The following RANBP3 variants were observed in gnomAD, a reference collection of about 807,000 sequenced individuals.
RANBP3 encodes the protein RAN binding protein 3.
RANBP3 carries 14 observed loss-of-function variants against 77.3 expected under a neutral mutation model. That is an observed-to-expected ratio of 0.18 (90% CI 0.12 to 0.28). The LOEUF (loss-of-function observed/expected upper bound fraction) is 0.28, where lower values mean the gene tolerates loss of function less well. RANBP3 is among the 10% of genes least tolerant of loss of function. The pLI is 1.00. For missense variants in RANBP3, 586 were observed against 752.3 expected, an observed-to-expected ratio of 0.78 and a Z score of 2.59; for synonymous variants, 315 against 312.4, an observed-to-expected ratio of 1.01 and a Z score of -0.09.
intron 3 of RANBP3, among the ~76,000 whole-genome samples, chr19:5,943,408 GACTGTCGGT>G (rs1208510574): frequency 2.0e-5 from 3 of 152,232 alleles, no homozygotes; most frequent in Non-Finnish European, 2.9e-5. Context: ...TAAAGGGCCA[GACTGTCGGT>G]ACTGCTGGCT....
intron 1 of RANBP3, among the ~76,000 whole-genome samples, chr19:5,964,127 GC>G (rs1379655323): frequency 2.6e-5 from 4 of 152,214 alleles, no homozygotes; most frequent in African/African-American, 9.6e-5. Context: ...AGGCTCCGAT[GC>G]AAAATGGGAC....
chr19:5,972,825 C>A (rs1176525692), intron 1 of RANBP3, among the ~76,000 whole-genome samples: 1 of 152,176 alleles, frequency 6.6e-6, no homozygotes, highest in Non-Finnish European at 1.5e-5. Context: ...TCACTCTGAC[C>A]ACCTCAGAGG....
chr19:5,958,400 A>ACCG lies in RANBP3; in HGVS notation c.23-430_23-428dup, dbSNP rs1438704895. ...AGGCCAGAGGGCAAAAAAAAGGGCC[A>ACCG]CCGCTCGCGCTGTTTGCAGACAGTT... On this transcript the variant is annotated intron_variant, in intron 1 of 16. Coordinates refer to ENST00000340578, the MANE Select transcript of RANBP3 (RefSeq NM_007322.3). This position sits in a 1 kb window ranked among gnomAD's most constrained non-coding sequence, Gnocchi z 4.4. Among the ~76,000 whole-genome samples, 2 of 152,228 alleles carry ACCG rather than the reference A, an allele frequency of 1.3e-5. No individual in the cohort carries two copies. The highest frequency in any genetic ancestry group is 2.9e-5 in the Non-Finnish European group (2 of 68,038).
chr19:5,926,910 T>A (rs10414705), intron 9 of RANBP3, among the ~76,000 whole-genome samples: 3 of 152,164 alleles, frequency 2.0e-5, no homozygotes, highest in African/African-American at 7.2e-5. Flanking sequence ...GCTTTCTGCA[T>A]GCTAGAGAGG....
At chr19:5,939,709 G>A (rs770958943) in intron 5 of RANBP3, among the ~76,000 whole-genome samples, 7 of 152,124 alleles carry the variant, frequency 4.6e-5, no homozygotes, top group East Asian at 1.9e-4. Context: ...GGGAGGAGAC[G>A]GAACAGCACG....
chr19:5,968,282 G>C (rs1428115264), intron 1 of RANBP3, among the ~76,000 whole-genome samples: 1 of 152,168 alleles, frequency 6.6e-6, no homozygotes. Flanking sequence ...TGGAGAGCGC[G>C]GGCTCTGGTC....
chr19:5,947,940 G>A (rs746365340), intron 3 of RANBP3, among the ~76,000 whole-genome samples: 1 of 152,220 alleles, frequency 6.6e-6, no homozygotes, highest in African/African-American at 2.4e-5. Flanking sequence ...TGAAAATCAT[G>A]GTTGTCACAT....
chr19:5,965,283 T>G (rs986111789), intron 1 of RANBP3, among the ~76,000 whole-genome samples: 2 of 152,092 alleles, frequency 1.3e-5, no homozygotes, highest in Non-Finnish European at 2.9e-5. Context: ...GACAGCATCT[T>G]TATCTAGGGA....
intron 3 of RANBP3, among the ~76,000 whole-genome samples, chr19:5,945,938 G>A (rs1212414111): frequency 6.6e-6 from 1 of 151,722 alleles, no homozygotes; most frequent in East Asian, 1.9e-4. Context: ...AGTCCCATTA[G>A]CTCTAGCCCC....
Position 5,917,904 on chromosome 19 carries a change from T to A in RANBP3, c.1550A>T (p.Gln517Leu). The change falls in exon 16 of 17, where the codon CAG becomes CTG. Residue 517 changes from glutamine to leucine, a missense_variant. Coordinates refer to ENST00000340578, the MANE Select transcript of RANBP3 (RefSeq NM_007322.3). Reference sequence around the variant, plus strand: ...CGCGGGCATCTTGGCCTCCTGCTCCTGCTCCACGCGGCTGCGCAGGGCCAG... The same window carrying A: ...CGCGGGCATCTTGGCCTCCTGCTCCAGCTCCACGCGGCTGCGCAGGGCCAG... The part of the protein sequence containing the change: ...RILALRSRVE[Q>L]EQEAKMPAPE... The A allele has an allele frequency of 6.2e-7, 1 of 1,613,022 alleles. No homozygotes were observed. Among genetic ancestry groups the A allele is most frequent in the Non-Finnish European group, 8.5e-7 (1 of 1,179,930 alleles).
chr19:5,922,530 G>C (rs1485621281), intron 13 of RANBP3, among the ~76,000 whole-genome samples: 1 of 152,236 alleles, frequency 6.6e-6, no homozygotes, highest in Non-Finnish European at 1.5e-5. Flanking sequence ...GGCCGCACCT[G>C]ATCTTTTCCC....
chr19:5,928,851 G>C (rs2057949291), intron 8 of RANBP3, among the ~76,000 whole-genome samples: 1 of 152,200 alleles, frequency 6.6e-6, no homozygotes, highest in Non-Finnish European at 1.5e-5. Context: ...ATTTGTATAT[G>C]TCTTTCCTAT....
chr19:5,924,065 C>T lies in RANBP3; in HGVS notation c.997-151G>A, dbSNP rs568371879. The T allele has an allele frequency of 4.0e-5, 25 of 631,484 alleles. No homozygotes were observed. Among genetic ancestry groups the T allele is most frequent in the Non-Finnish European group, 7.0e-5 (25 of 358,762 alleles). 39.1% of individuals were successfully genotyped at this position (631,484 alleles called of 1,614,324 possible). A position where few individuals can be genotyped will look rare whatever the true frequency, so the allele number is the denominator to read the frequency against. ...ACACCCTGAACTGCCTGGGAGCTCCCCACGTGGTCCCTCAGGCATCACTAC... is the reference window on the plus strand; with the variant it reads ...ACACCCTGAACTGCCTGGGAGCTCCTCACGTGGTCCCTCAGGCATCACTAC... On this transcript the variant is annotated intron_variant, in intron 11 of 16. Transcript: ENST00000340578. This position sits in a 1 kb window ranked among gnomAD's most constrained non-coding sequence, Gnocchi z 4.7.
intron 1 of RANBP3, among the ~76,000 whole-genome samples, chr19:5,970,863 G>A: frequency 6.6e-6 from 1 of 152,156 alleles, no homozygotes; most frequent in Non-Finnish European, 1.5e-5. Context: ...CAGACAACTT[G>A]CCCATGTTTC....
At chr19:5,930,657 T>C (rs1394575090) in intron 8 of RANBP3, among the ~76,000 whole-genome samples, 1 of 152,150 alleles carries the variant, frequency 6.6e-6, no homozygotes, top group Non-Finnish European at 1.5e-5. Context: ...CAGCCTCCCC[T>C]TCCCGGGCTC....
chr19:5,956,036 G>C (rs754967480), intron 2 of RANBP3, among the ~76,000 whole-genome samples: 1 of 152,052 alleles, frequency 6.6e-6, no homozygotes, highest in African/African-American at 2.4e-5. Flanking sequence ...GAAGCCAGGA[G>C]TTCAAGACTG....
intron 14 of RANBP3, 102 bp from the exon 15 acceptor site, chr19:5,918,740 G>A (rs781566442): frequency 6.1e-5 from 87 of 1,432,898 alleles, no homozygotes; most frequent in Non-Finnish European, 7.4e-5. Context: ...CGACATCACC[G>A]CGCAAAAGCC....
chr19:5,933,376 G>C lies in RANBP3; in HGVS notation c.472+38C>G, dbSNP rs763418308. ...CCTAGCAGAGGTCTGAAAAACGTCAGAGAGCCACCCCCCGCCCCAGGGAGG... is the reference window on the plus strand; with the variant it reads ...CCTAGCAGAGGTCTGAAAAACGTCACAGAGCCACCCCCCGCCCCAGGGAGG... On this transcript the variant is annotated intron_variant, in intron 6 of 16. Coordinates refer to ENST00000340578, the MANE Select transcript of RANBP3 (RefSeq NM_007322.3). 4.5e-6 allele frequency: 7 copies of C among 1,566,770 alleles called. No homozygotes were observed. In the Admixed American group the frequency reaches 7.5e-5, roughly 17 times the overall value.
chr19:5,962,940 C>T (rs1395355516), intron 1 of RANBP3, among the ~76,000 whole-genome samples: 2 of 152,164 alleles, frequency 1.3e-5, no homozygotes, highest in East Asian at 1.9e-4. Flanking sequence ...GTGAACACCG[C>T]TACCTCCAAC....
Sources: allele counts gnomAD v4.1 joint callset (sites outside exome capture counted in the v4.1 genomes callset), GRCh38; gene constraint gnomAD v4.1.1; non-coding constraint Gnocchi (gnomAD v3.1); transcripts MANE v1.5; gene names NCBI Gene and HGNC (gene_info 2026-07-23, HGNC 2026-07-21).